EIF4G3: variants seen among roughly 807,000 people sequenced by gnomAD.
EIF4G3 encodes the protein eukaryotic translation initiation factor 4 gamma 3.
In EIF4G3, 34 loss-of-function variants were observed where a neutral mutation model predicts 186.4. The observed-to-expected ratio is 0.18, with a 90% confidence interval of 0.14 to 0.24. The LOEUF (loss-of-function observed/expected upper bound fraction) is 0.24. Ranked by LOEUF, EIF4G3 falls within the 10% of genes least tolerant of loss-of-function variation. EIF4G3 has a pLI of 1.00. For synonymous variants in EIF4G3, 673 were observed against 679.5 expected (o/e 0.99, Z 0.15); for missense variants, 1,536 against 1,948.5 (o/e 0.79, Z 3.99).
chr1:21,085,289 T>C (rs959073797), intron 3 of EIF4G3, among the ~76,000 whole-genome samples: 2 of 152,140 alleles, frequency 1.3e-5, no homozygotes, highest in African/African-American at 4.8e-5. Context: ...AACATTATCG[T>C]ATTTTAAGAG....
At chr1:20,842,683 T>C (rs1177583030) in intron 29 of EIF4G3, among the ~76,000 whole-genome samples, 1 of 151,800 alleles carries the variant, frequency 6.6e-6, no homozygotes, top group Non-Finnish European at 1.5e-5. Flanking sequence ...GTTTCTTATA[T>C]ATGCTTTTAA....
chr1:21,041,454 T>G (rs1386544478), intron 4 of EIF4G3, among the ~76,000 whole-genome samples: 1 of 152,208 alleles, frequency 6.6e-6, no homozygotes, highest in Non-Finnish European at 1.5e-5. Context: ...CCTCTCCATT[T>G]GAAATAGTTT....
At chr1:20,844,985 A>G (rs999239649) in intron 29 of EIF4G3, among the ~76,000 whole-genome samples, 16 of 152,132 alleles carry the variant, frequency 1.1e-4, no homozygotes, top group African/African-American at 3.6e-4. Flanking sequence ...ATTAGATCCC[A>G]TTTGTCAATT....
intron 3 of EIF4G3, among the ~76,000 whole-genome samples, chr1:21,074,177 A>T (rs183122517): frequency 2.6e-5 from 4 of 152,298 alleles, no homozygotes; most frequent in African/African-American, 9.6e-5. Context: ...TAGGGCCAGG[A>T]TAATTCTTTA....
At position 20,825,084 on chromosome 1, in the gene EIF4G3, TA is replaced by T; in HGVS notation, c.4368+15del. On this transcript the variant is annotated intron_variant, in intron 33 of 36. Coordinates refer to ENST00000602326, the MANE Select transcript of EIF4G3 (RefSeq NM_001391906.1). ...TCAACTACTATCAAACAGCAAAACA[TA>T]AGCCTTGTTCTTACCTGCTCCAAAA... The T allele has an allele frequency of 6.4e-7, 1 of 1,555,158 alleles. No homozygotes were observed.
intron 2 of EIF4G3, among the ~76,000 whole-genome samples, chr1:21,145,311 AAAAAC>A (rs2097419679): frequency 7.1e-6 from 1 of 141,322 alleles, no homozygotes; most frequent in African/African-American, 2.5e-5. Flanking sequence ...ATCAGAGCTA[AAAAAC>A]AAAACAAAAC....
Position 20,893,629 on chromosome 1 carries a change from T to C in EIF4G3, c.2141A>G (p.Gln714Arg). The C allele has an allele frequency of 6.4e-7, 1 of 1,561,082 alleles. No homozygotes were observed. ...CAGAGTTCGCATTGGCAATTTGGGT[T>C]GGTTGATCTGCATGAAAAAGCAAAA... ...ISDVVLDKINQPKLPMRTLDP... is the reference protein window; with the variant it reads ...ISDVVLDKINRPKLPMRTLDP... The change falls in exon 18 of 37, where the codon CAA becomes CGA. Residue 714 changes from glutamine (Q) to arginine (R), a missense_variant. This residue lies in a region of EIF4G3 where 139 missense variants were observed against 192.8 expected (regional missense o/e 0.72). Coordinates refer to ENST00000602326, the MANE Select transcript of EIF4G3 (RefSeq NM_001391906.1).
chr1:21,037,607 T>C (rs2093311532), intron 4 of EIF4G3, among the ~76,000 whole-genome samples: 1 of 152,234 alleles, frequency 6.6e-6, no homozygotes, highest in Non-Finnish European at 1.5e-5. Flanking sequence ...CAGACCACGA[T>C]GCAAAGCATA....
At chr1:21,175,163 G>C (rs1322260966) in intron 2 of EIF4G3, 1 of 152,164 alleles carries the variant, frequency 6.6e-6, no homozygotes. Flanking sequence ...AGTGGGTGTA[G>C]GGAGGAGGTG....
At position 20,955,431 on chromosome 1, in the gene EIF4G3, C is replaced by G. The variant is rs575823064; in HGVS notation, c.715-5320G>C. On this transcript the variant is annotated intron_variant, in intron 12 of 36. Transcript: ENST00000602326. ...TCTATCTTTTGTAGAGATGGGGTCC[C>G]AGTATTTTGCCTGGGCTAGTCTTGA... is the stretch of plus-strand genomic sequence containing the variant. 1.8e-3 allele frequency among the ~76,000 whole-genome samples: 280 copies of G among 152,048 alleles called. 4 individuals are homozygous for G. The highest frequency in any genetic ancestry group is 3.1e-3 in the Non-Finnish European group (214 of 67,978).
intron 2 of EIF4G3, among the ~76,000 whole-genome samples, chr1:21,104,604 G>A (rs2096582518): frequency 6.6e-6 from 1 of 152,206 alleles, no homozygotes; most frequent in Non-Finnish European, 1.5e-5. Context: ...CAAAGGGAAT[G>A]CTTATATACT....
At chr1:21,140,052 A>G (rs1474773839) in intron 2 of EIF4G3, among the ~76,000 whole-genome samples, 1 of 152,240 alleles carries the variant, frequency 6.6e-6, no homozygotes, top group Non-Finnish European at 1.5e-5. Context: ...TTAAAAAGTT[A>G]GCAAGCATTT....
Position 20,840,963 on chromosome 1 carries a change from T to G in EIF4G3, c.3954A>C (p.Gly1318=). 6.2e-7 allele frequency: 1 copy of G among 1,614,124 alleles called. No homozygotes were observed. Among genetic ancestry groups the G allele is most frequent in the Non-Finnish European group, 8.5e-7 (1 of 1,180,010 alleles). Reference sequence around the variant, plus strand: ...GGCTCCTTTCCAGGGTGGACTCCACTCCCACTCTCACAAAAACATGTAGTA... The same window carrying G: ...GGCTCCTTTCCAGGGTGGACTCCACGCCCACTCTCACAAAAACATGTAGTA... The part of the protein sequence containing the change: ...QGLLHVFVRV[G]VESTLERSQI... The change falls in exon 30 of 37, where the codon GGA becomes GGC. Residue 1318 remains glycine (G), a synonymous_variant. Coordinates refer to ENST00000602326, the MANE Select transcript of EIF4G3 (RefSeq NM_001391906.1).
chr1:21,029,212 G>C (rs1421627030), intron 4 of EIF4G3, among the ~76,000 whole-genome samples: 1 of 151,520 alleles, frequency 6.6e-6, no homozygotes, highest in Non-Finnish European at 1.5e-5. Context: ...TAGAGACAAG[G>C]TTTCACCACT....
chr1:20,982,356 A>G lies in EIF4G3; in HGVS notation c.198+32T>C, dbSNP rs1406376245. 2.0e-6 allele frequency: 3 copies of G among 1,494,376 alleles called. 1 individual carries two copies. The allele number at this position is 1,494,376 out of a possible 1,614,324, so 92.6% of individuals were successfully genotyped here. A position where few individuals can be genotyped will look rare whatever the true frequency, so the allele number is the denominator to read the frequency against. ...TGTAATAATAAGCAGACTGAGTTAT[A>G]AAGAGGCCATGCAGAACCAGTAGTT... is the stretch of plus-strand genomic sequence containing the variant. On this transcript the variant is annotated intron_variant, in intron 8 of 36. Transcript: ENST00000602326.
intron 10 of EIF4G3, among the ~76,000 whole-genome samples, chr1:20,979,981 G>A (rs1392296952): frequency 6.6e-6 from 1 of 151,926 alleles, no homozygotes; most frequent in Non-Finnish European, 1.5e-5. Context: ...CAATCTCCTC[G>A]CCCGCCTCGG....
intron 2 of EIF4G3, among the ~76,000 whole-genome samples, chr1:21,099,850 C>T (rs115583512): frequency 6.6e-6 from 1 of 152,152 alleles, no homozygotes; most frequent in Non-Finnish European, 1.5e-5. Context: ...CCATATGGTT[C>T]AGTAATTTCA....
rs1389105749 is a variant in EIF4G3 at position 20,806,674 on chromosome 1, T to C, written c.*645A>G. Reference sequence around the variant, plus strand: ...GCACTTTTTTTTTTTTAAACAATTCTTGGAGTTCTGTGGTCCACAGCATTT... The same window carrying C: ...GCACTTTTTTTTTTTTAAACAATTCCTGGAGTTCTGTGGTCCACAGCATTT... On this transcript the variant is annotated 3_prime_UTR_variant, in exon 37 of 37. Coordinates refer to ENST00000602326, the MANE Select transcript of EIF4G3 (RefSeq NM_001391906.1). 1 of 152,528 alleles carries C rather than the reference T, an allele frequency of 6.6e-6. No homozygotes were observed. Among genetic ancestry groups the C allele is most frequent in the African/African-American group, 2.4e-5 (1 of 41,400 alleles). The allele number at this position is 152,528 out of a possible 1,614,324, so 9.4% of individuals were successfully genotyped here. A position where few individuals can be genotyped will look rare whatever the true frequency, so the allele number is the denominator to read the frequency against.
In EIF4G3 at chr1:21,134,462, A is replaced by G. The variant is rs572459498; in HGVS notation, c.-272+41713T>C. On this transcript the variant is annotated intron_variant, in intron 2 of 36. Transcript: ENST00000602326. ...GGCAGGAGGATCACATGAGGTTAGGAGTTTAAGACCAGCCTAGCCAACATG... is the reference window on the plus strand; with the variant it reads ...GGCAGGAGGATCACATGAGGTTAGGGGTTTAAGACCAGCCTAGCCAACATG... Among the ~76,000 whole-genome samples, 13 of 152,252 alleles carry G rather than the reference A, an allele frequency of 8.5e-5. No homozygotes were observed. The South Asian group carries it at 2.3e-3, about 27-fold the overall frequency.
Sources: allele counts gnomAD v4.1 joint callset (sites outside exome capture counted in the v4.1 genomes callset), GRCh38; gene constraint gnomAD v4.1.1; regional missense constraint gnomAD v4.1.1; transcripts MANE v1.5; gene names NCBI Gene and HGNC (gene_info 2026-07-23, HGNC 2026-07-21).